Variants in TNFSF11 observed in about 807,000 individuals in gnomAD.
The protein encoded by TNFSF11 is tumor necrosis factor ligand superfamily member 11.
TNFSF11 carries 12 observed loss-of-function variants against 32.2 expected under a neutral mutation model. The ratio of observed to expected loss-of-function variants is 0.37; its 90% CI spans 0.24 to 0.60. TNFSF11 has a LOEUF of 0.60. TNFSF11 is among the 20% of genes least tolerant of loss of function. TNFSF11 has a pLI of 0.66. For missense variants in TNFSF11, 345 were observed against 398.0 expected, an observed-to-expected ratio of 0.87 and a Z score of 1.13; for synonymous variants, 172 against 152.1, an observed-to-expected ratio of 1.13 and a Z score of -0.96.
upstream of TNFSF11, among the ~76,000 whole-genome samples, chr13:42,572,376 G>A (rs1450165033): frequency 6.6e-6 from 1 of 152,096 alleles, no homozygotes; most frequent in Non-Finnish European, 1.5e-5. Context: ...AAATCATTGT[G>A]GGTTTAGTTG....
intron 2 of TNFSF11, among the ~76,000 whole-genome samples, chr13:42,568,174 C>T (rs934087161): frequency 3.3e-5 from 5 of 152,222 alleles, no homozygotes; most frequent in Non-Finnish European, 7.3e-5. Context: ...ACGTAACATG[C>T]ATGTTTGCTT....
At chr13:42,565,723 T>C (rs1424075433) in intron 1 of TNFSF11, among the ~76,000 whole-genome samples, 1 of 148,250 alleles carries the variant, frequency 6.7e-6, no homozygotes, top group East Asian at 1.9e-4. Flanking sequence ...CTGGACTTTA[T>C]CTTAAGTGTT....
At chr13:42,589,663 G>C (rs2148073) in intron 2 of TNFSF11, among the ~76,000 whole-genome samples, 120,947 of 152,092 alleles carry the variant, frequency 0.8, 48,318 homozygotes, top group South Asian at 0.88. Context: ...CCTCACCACA[G>C]TATGGTGCTG....
rs1201809363 is a variant in TNFSF11 at position 42,606,911 on chromosome 13, T to C, written c.947T>C (p.Ile316Thr). Residue 316 changes from isoleucine (I) to threonine (T), a missense_variant, in exon 5 of 5, where the codon ATA (isoleucine) becomes ACA (threonine). Physicochemically the swap from Ile to Thr is moderately conservative, Grantham distance 89 (BLOSUM62 -1). Coordinates refer to ENST00000398795, the MANE Select transcript of TNFSF11 (RefSeq NM_003701.4). ...TTTGGGGCTTTTAAAGTTCGAGATA[T>C]AGATTGAGCCCCAGTTTTTGGAGTG... ...TYFGAFKVRD[I>T]D is the part of the protein sequence containing the mutation. The C allele has an allele frequency of 3.7e-6, 6 of 1,614,046 alleles. No homozygotes were observed. The highest frequency in any genetic ancestry group is 1.6e-4 in the Middle Eastern group (1 of 6,082).
chr13:42,570,336 C>T (rs1467824899), upstream of TNFSF11, among the ~76,000 whole-genome samples: 3 of 152,158 alleles, frequency 2.0e-5, no homozygotes, highest in Admixed American at 6.5e-5. Context: ...GACTTGTATC[C>T]AACCATTCCT....
chr13:42,597,173 G>T (rs1868854379), intron 2 of TNFSF11, among the ~76,000 whole-genome samples: 1 of 35,070 alleles, frequency 2.9e-5, no homozygotes, highest in Admixed American at 4.4e-4. Flanking sequence ...TGTACCTTGA[G>T]GTTATAGACA....
intron 1 of TNFSF11, among the ~76,000 whole-genome samples, chr13:42,579,732 A>T (rs1222461104): frequency 2.6e-5 from 2 of 75,720 alleles, no homozygotes; most frequent in Admixed American, 2.1e-4. Flanking sequence ...TTTTTTTGCA[A>T]AGTGTCTGAT....
intron 2 of TNFSF11, among the ~76,000 whole-genome samples, chr13:42,599,378 ATCTATCTG>A (rs1291121373): frequency 6.6e-6 from 1 of 151,234 alleles, no homozygotes; most frequent in African/African-American, 2.4e-5. Flanking sequence ...CTATCTATCT[ATCTATCTG>A]TCTATCTCAA....
intron 2 of TNFSF11, among the ~76,000 whole-genome samples, chr13:42,582,995 C>T (rs1179541498): frequency 6.6e-6 from 1 of 152,130 alleles, no homozygotes; most frequent in African/African-American, 2.4e-5. Flanking sequence ...GTTGTAACTC[C>T]TCAAAATGAT....
intron 2 of TNFSF11, among the ~76,000 whole-genome samples, chr13:42,599,382 A>ATCTATCTATCTATCTATCTG (rs1169547336): frequency 3.7e-4 from 56 of 150,846 alleles, no homozygotes; most frequent in African/African-American, 1.3e-3. Context: ...CTATCTATCT[A>ATCTATCTATCTATCTATCTG]TCTGTCTATC....
intron 2 of TNFSF11, 102 bp from the exon 3 acceptor site, chr13:42,600,650 G>A: frequency 1.6e-6 from 2 of 1,286,076 alleles, no homozygotes; most frequent in South Asian, 2.7e-5. Flanking sequence ...CCTTTGGAAG[G>A]AAAAGAGGGT....
intron 2 of TNFSF11, among the ~76,000 whole-genome samples, chr13:42,591,407 G>C (rs1304910454): frequency 3.3e-5 from 5 of 151,888 alleles, no homozygotes; most frequent in African/African-American, 1.2e-4. Context: ...TCTCCTCTGG[G>C]GAGGGTGAGG....
rs990324482 is a variant in TNFSF11, at chr13:42,601,098, G to A, written c.532+117G>A. The A allele has an allele frequency of 5.5e-5, 62 of 1,129,830 alleles. No individual in the cohort carries two copies. In the Middle Eastern group the frequency reaches 9.7e-4, roughly 18 times the overall value. The allele number at this position is 1,129,830 out of a possible 1,614,324, so 70.0% of individuals were successfully genotyped here. ...AATTTTTGAGAGCCCTTACTTCAAA[G>A]CCAAAGGAAAGACCATTCATCCTCA... On this transcript the variant is annotated intron_variant, in intron 4 of 4. Transcript: ENST00000398795.
chr13:42,574,629 AT>A, intron 1 of TNFSF11, 107 bp downstream of exon 1: 1 of 1,345,124 alleles, frequency 7.4e-7, no homozygotes. Flanking sequence ...GAGCTTGCAT[AT>A]TCCGGAAGGG....
At chr13:42,574,817 C>T (rs1423005595) in intron 1 of TNFSF11, among the ~76,000 whole-genome samples, 3 of 152,250 alleles carry the variant, frequency 2.0e-5, no homozygotes, top group African/African-American at 7.2e-5. Context: ...CGCTGGGAAA[C>T]AACACTGGCC....
intron 1 of TNFSF11, among the ~76,000 whole-genome samples, chr13:42,565,511 A>G (rs1199577961): frequency 1.3e-5 from 2 of 152,170 alleles, no homozygotes; most frequent in Non-Finnish European, 2.9e-5. Flanking sequence ...TACCAGACTC[A>G]TGGTTGGTAT....
At chr13:42,567,784 C>T (rs960849589) in intron 2 of TNFSF11, among the ~76,000 whole-genome samples, 3 of 152,186 alleles carry the variant, frequency 2.0e-5, no homozygotes, top group African/African-American at 7.2e-5. Flanking sequence ...AGAGCTATGG[C>T]CATGCCAGGC....
chr13:42,588,466 C>T (rs1165925932), intron 2 of TNFSF11, among the ~76,000 whole-genome samples: 2 of 152,156 alleles, frequency 1.3e-5, no homozygotes, highest in African/African-American at 4.8e-5. Flanking sequence ...GAGGAGCCTT[C>T]ATTATGTGGC....
At chr13:42,572,653 T>G (rs1242545932), upstream of TNFSF11, among the ~76,000 whole-genome samples, 1 of 152,194 alleles carries the variant, frequency 6.6e-6, no homozygotes, top group East Asian at 1.9e-4. Flanking sequence ...ACCTATATAT[T>G]GATACACATA....
Sources: gnomAD v4.1 joint callset for allele counts (sites outside exome capture counted in the v4.1 genomes callset) on GRCh38, gnomAD v4.1.1 for gene constraint, MANE v1.5 for transcripts, NCBI Gene and HGNC (gene_info 2026-07-23, HGNC 2026-07-21) for gene names.